ZNF521: variants seen among roughly 807,000 people sequenced by gnomAD.
ZNF521 encodes the protein zinc finger protein 521, also known as LYST-interacting protein 3.
In ZNF521, 14 loss-of-function variants were observed where a neutral mutation model predicts 105.5. The ratio of observed to expected loss-of-function variants is 0.13; its 90% CI spans 0.09 to 0.21. The LOEUF (loss-of-function observed/expected upper bound fraction) is 0.21. Among genes scored for constraint, ZNF521 ranks in the 10% least tolerant of loss-of-function variants. ZNF521 has a pLI of 1.00. For synonymous variants in ZNF521, 635 were observed against 606.0 expected (o/e 1.05, Z -0.70); for missense variants, 1,233 against 1,629.7 (o/e 0.76, Z 4.19).
intron 5 of ZNF521, among the ~76,000 whole-genome samples, chr18:25,193,154 G>C (rs2144628589): frequency 6.6e-6 from 1 of 151,748 alleles, no homozygotes; most frequent in East Asian, 1.9e-4. Flanking sequence ...AATGATGCAA[G>C]GAATATAAAA....
intron 3 of ZNF521, among the ~76,000 whole-genome samples, chr18:25,274,435 C>A: frequency 6.6e-6 from 1 of 152,168 alleles, no homozygotes; most frequent in East Asian, 1.9e-4. Context: ...TATCTAAATA[C>A]ATAAAATGCA....
intron 2 of ZNF521, among the ~76,000 whole-genome samples, chr18:25,324,308 C>A (rs1158200853): frequency 6.6e-6 from 1 of 151,672 alleles, no homozygotes; most frequent in Non-Finnish European, 1.5e-5. Context: ...TAAAAAGCAC[C>A]AGCATGCCTA....
chr18:25,091,123 A>G (rs1203377312), intron 6 of ZNF521, among the ~76,000 whole-genome samples: 1 of 152,236 alleles, frequency 6.6e-6, no homozygotes, highest in African/African-American at 2.4e-5. Flanking sequence ...CTCTGCAAAC[A>G]AAGAAGTCAT....
chr18:25,335,981 T>C, intron 2 of ZNF521, among the ~76,000 whole-genome samples: 1 of 152,022 alleles, frequency 6.6e-6, no homozygotes, highest in East Asian at 1.9e-4. Context: ...CAAGGGAAGT[T>C]AAGGGGAAAT....
chr18:25,125,990 C>T (rs1366143574), intron 5 of ZNF521, among the ~76,000 whole-genome samples: 1 of 151,934 alleles, frequency 6.6e-6, no homozygotes, highest in Non-Finnish European at 1.5e-5. Context: ...TTCAATGGTC[C>T]TCATAAATGT....
At chr18:25,157,330 G>T in intron 5 of ZNF521, among the ~76,000 whole-genome samples, 1 of 152,304 alleles carries the variant, frequency 6.6e-6, no homozygotes, top group Admixed American at 6.5e-5. Flanking sequence ...AAAAGTCTAC[G>T]ATTTAGTGTG....
At chr18:25,198,644 G>A (rs941198242) in intron 4 of ZNF521, among the ~76,000 whole-genome samples, 6 of 151,808 alleles carry the variant, frequency 4.0e-5, no homozygotes, top group Admixed American at 6.6e-5. Context: ...TACCATGTGA[G>A]GTGACTATTA....
chr18:25,235,354 T>C (rs567383435), intron 3 of ZNF521, among the ~76,000 whole-genome samples: 2 of 152,322 alleles, frequency 1.3e-5, no homozygotes, highest in Admixed American at 6.5e-5. Flanking sequence ...TCATTAGTGA[T>C]TTTAAATTAA....
At chr18:25,324,112 G>A (rs1001648912) in intron 2 of ZNF521, among the ~76,000 whole-genome samples, 9 of 152,136 alleles carry the variant, frequency 5.9e-5, no homozygotes, top group Admixed American at 4.6e-4. Context: ...ATTCCTGGGG[G>A]AGTAATCACA....
chr18:25,342,719 C>T (rs1487379696), intron 2 of ZNF521, among the ~76,000 whole-genome samples: 7 of 152,144 alleles, frequency 4.6e-5, no homozygotes, highest in East Asian at 1.9e-4. Context: ...TGAGCCACCG[C>T]GCCTGGCCTT....
chr18:25,145,668 A>C (rs926598777), intron 5 of ZNF521, among the ~76,000 whole-genome samples: 1 of 152,166 alleles, frequency 6.6e-6, no homozygotes, highest in African/African-American at 2.4e-5. Flanking sequence ...TTTTTGAGCA[A>C]GGACAAAAGA....
chr18:25,080,479 T>C (rs1171299869), intron 7 of ZNF521, among the ~76,000 whole-genome samples: 1 of 152,158 alleles, frequency 6.6e-6, no homozygotes, highest in East Asian at 1.9e-4. Flanking sequence ...GTTGCAAATA[T>C]AACAATAAAG....
chr18:25,312,136 G>C lies in ZNF521; in HGVS notation c.220+9872C>G, dbSNP rs564502713. 9.9e-5 allele frequency among the ~76,000 whole-genome samples: 15 copies of C among 152,126 alleles called. No homozygotes were observed. In the South Asian group the frequency reaches 3.1e-3, roughly 32 times the overall value. On this transcript the variant is annotated intron_variant, in intron 3 of 7. Coordinates refer to ENST00000361524, the MANE Select transcript of ZNF521 (RefSeq NM_015461.3). Reference sequence around the variant, plus strand: ...ATAAAATATGGACATCAAAATTACAGAGAAATGTTTCTTATATTACCCTTT... The same window carrying C: ...ATAAAATATGGACATCAAAATTACACAGAAATGTTTCTTATATTACCCTTT...
At chr18:25,103,531 T>C (rs2034009008) in intron 5 of ZNF521, among the ~76,000 whole-genome samples, 1 of 152,132 alleles carries the variant, frequency 6.6e-6, no homozygotes, top group Admixed American at 6.5e-5. Context: ...CATAACCCCA[T>C]ACTTACGTAT....
chr18:25,179,443 G>T (rs71360596), intron 5 of ZNF521, among the ~76,000 whole-genome samples: 1 of 152,028 alleles, frequency 6.6e-6, no homozygotes, highest in East Asian at 1.9e-4. Flanking sequence ...TTACAAACTA[G>T]TTGTTGGTGG....
In ZNF521 at chr18:25,139,372, C is replaced by CAAAAAAAAAAAAAAAAAAAAAA. The variant is rs36175281; in HGVS notation, c.3659-47313_3659-47292dup. ...TGGGCGACAGAGCAAGACTCTGTCT[C>CAAAAAAAAAAAAAAAAAAAAAA]AAAAAAAAAAAAAAAAAAAAAAAAA... On this transcript the variant is annotated intron_variant, in intron 5 of 7. Coordinates refer to ENST00000361524, the MANE Select transcript of ZNF521 (RefSeq NM_015461.3). Among the ~76,000 whole-genome samples, 23 of 51,388 alleles carry CAAAAAAAAAAAAAAAAAAAAAA rather than the reference C, an allele frequency of 4.5e-4. 1 individual carries two copies. Among genetic ancestry groups the CAAAAAAAAAAAAAAAAAAAAAA allele is most frequent in the Non-Finnish European group, 6.5e-4 (19 of 29,420 alleles). The allele number at this position is 51,388 out of a possible 152,430, so 33.7% of individuals were successfully genotyped here. A position where few individuals can be genotyped will look rare whatever the true frequency, so the allele number is the denominator to read the frequency against.
chr18:25,066,567 T>G (rs2033066672), intron 7 of ZNF521, among the ~76,000 whole-genome samples: 1 of 152,170 alleles, frequency 6.6e-6, no homozygotes, highest in African/African-American at 2.4e-5. Context: ...CTCAGTGTTT[T>G]TTGTGTTTTC....
Position 25,093,398 on chromosome 18 carries a change from G to A in ZNF521, c.3659-1317C>T, listed in dbSNP as rs147543242. On this transcript the variant is annotated intron_variant, in intron 5 of 7. Transcript: ENST00000361524. ...GCTACTAAGACATTCTAGGTCTAGG[G>A]AATGAAAGACACCGTCACACTACAA... is the stretch of plus-strand genomic sequence containing the variant. Among the ~76,000 whole-genome samples the A allele has an allele frequency of 1.8e-3, 274 of 152,250 alleles. 1 individual carries two copies. The highest frequency in any genetic ancestry group is 5.4e-3 in the African/African-American group (223 of 41,560).
chr18:25,229,416 G>T (rs1318462543), intron 3 of ZNF521, among the ~76,000 whole-genome samples: 1 of 152,104 alleles, frequency 6.6e-6, no homozygotes, highest in East Asian at 1.9e-4. Flanking sequence ...TCATTTATAG[G>T]ACTCTATAAC....
Sources: allele counts gnomAD v4.1 joint callset (sites outside exome capture counted in the v4.1 genomes callset), GRCh38; gene constraint gnomAD v4.1.1; transcripts MANE v1.5; gene names NCBI Gene and HGNC (gene_info 2026-07-23, HGNC 2026-07-21).